CCDC91: variants seen among roughly 807,000 people sequenced by gnomAD.
The protein encoded by CCDC91 is coiled-coil domain-containing protein 91.
Under a neutral mutation model 63.2 loss-of-function variants are expected in CCDC91, and 48 were observed. That is an observed-to-expected ratio of 0.76 (90% CI 0.60 to 0.97). The LOEUF (loss-of-function observed/expected upper bound fraction) is 0.97. Among genes scored for constraint, CCDC91 ranks in the 50% least tolerant of loss-of-function variants. CCDC91 has a pLI of 0.00. For synonymous variants in CCDC91, 167 were observed against 165.8 expected, an observed-to-expected ratio of 1.01 and a Z score of -0.06; for missense variants, 500 against 494.6, an observed-to-expected ratio of 1.01 and a Z score of -0.10.
intron 6 of CCDC91, among the ~76,000 whole-genome samples, chr12:28,308,639 C>G (rs1203269040): frequency 6.6e-6 from 1 of 151,926 alleles, no homozygotes; most frequent in Non-Finnish European, 1.5e-5. Flanking sequence ...CTCAGATTCC[C>G]TCAGATACCT....
intron 11 of CCDC91, among the ~76,000 whole-genome samples, chr12:28,470,169 T>C (rs1427299120): frequency 2.6e-5 from 4 of 151,974 alleles, no homozygotes; most frequent in Non-Finnish European, 5.9e-5. Flanking sequence ...AGAGAAAATA[T>C]TTGCAAACAA....
At chr12:28,275,040 T>G in intron 3 of CCDC91, among the ~76,000 whole-genome samples, 1 of 151,986 alleles carries the variant, frequency 6.6e-6, no homozygotes. Flanking sequence ...ATTGACACCC[T>G]AACATCACAA....
chr12:28,544,852 A>T (rs1403024703), intron 12 of CCDC91, among the ~76,000 whole-genome samples: 1 of 152,100 alleles, frequency 6.6e-6, no homozygotes, highest in Non-Finnish European at 1.5e-5. Context: ...TTGCAATGGC[A>T]TGAAACACTC....
At chr12:28,404,405 T>C (rs545707188) in intron 8 of CCDC91, among the ~76,000 whole-genome samples, 5 of 152,196 alleles carry the variant, frequency 3.3e-5, no homozygotes, top group African/African-American at 1.2e-4. Context: ...AGTTTTGTTT[T>C]ATGGTCCCGA....
intron 6 of CCDC91, among the ~76,000 whole-genome samples, chr12:28,331,658 A>G (rs770680298): frequency 2.0e-4 from 30 of 152,300 alleles, no homozygotes; most frequent in Admixed American, 1.0e-3. Flanking sequence ...TTGTGCAGTT[A>G]TATTAGCCCT....
intron 1 of CCDC91, among the ~76,000 whole-genome samples, chr12:28,232,599 A>T (rs1350007665): frequency 6.6e-6 from 1 of 152,170 alleles, no homozygotes; most frequent in Non-Finnish European, 1.5e-5. Context: ...GGAATTAGAC[A>T]ATAGAAAAAC....
At chr12:28,355,810 C>T (rs1422565722) in intron 6 of CCDC91, among the ~76,000 whole-genome samples, 4 of 152,044 alleles carry the variant, frequency 2.6e-5, no homozygotes, top group South Asian at 2.1e-4. Context: ...GCTTTGGAAT[C>T]TGCATGCCAT....
intron 12 of CCDC91, among the ~76,000 whole-genome samples, chr12:28,538,573 G>A (rs1207211910): frequency 1.3e-5 from 2 of 152,076 alleles, no homozygotes; most frequent in Admixed American, 6.6e-5. Flanking sequence ...ACATACATGT[G>A]CATGTGTCTT....
At chr12:28,545,781 TTATA>T (rs892549582) in intron 12 of CCDC91, among the ~76,000 whole-genome samples, 1 of 151,930 alleles carries the variant, frequency 6.6e-6, no homozygotes, top group Non-Finnish European at 1.5e-5. Flanking sequence ...TTTTTTGTCC[TTATA>T]TATATATCCT....
chr12:28,386,939 A>G (rs2139199504), intron 7 of CCDC91, among the ~76,000 whole-genome samples: 1 of 152,228 alleles, frequency 6.6e-6, no homozygotes, highest in Admixed American at 6.5e-5. Flanking sequence ...ATTCTTTCAT[A>G]TATCTTTTTT....
At chr12:28,532,558 A>C (rs2141644259) in intron 12 of CCDC91, among the ~76,000 whole-genome samples, 1 of 152,232 alleles carries the variant, frequency 6.6e-6, no homozygotes, top group East Asian at 1.9e-4. Context: ...GTTTAAGGAA[A>C]GAGAAGGAAT....
chr12:28,354,541 CT>C (rs1389013934), intron 6 of CCDC91, among the ~76,000 whole-genome samples: 2 of 152,136 alleles, frequency 1.3e-5, no homozygotes, highest in Non-Finnish European at 2.9e-5. Flanking sequence ...ACAAGTACCA[CT>C]TTTAGTATAT....
rs139070508 is a variant in CCDC91, at chr12:28,221,716, A to G, written c.-15+31075A>G. ...ATCCACTCTGACTGATAGGAATACA[A>G]ATTCTTGCCAGCTATGTGTGAACTC... On this transcript the variant is annotated intron_variant, in intron 1 of 12. Transcript: ENST00000536442. Among the ~76,000 whole-genome samples the G allele has an allele frequency of 1.6e-4, 25 of 152,284 alleles. 2 individuals carry two copies. In the East Asian group the frequency reaches 4.6e-3, roughly 28 times the overall value.
At chr12:28,546,701 ATATAT>A (rs990887168) in intron 12 of CCDC91, among the ~76,000 whole-genome samples, 2 of 152,100 alleles carry the variant, frequency 1.3e-5, no homozygotes, top group Non-Finnish European at 2.9e-5. Context: ...TATCTGTTAC[ATATAT>A]TATAACTATA....
intron 3 of CCDC91, among the ~76,000 whole-genome samples, chr12:28,278,568 A>G (rs942588150): frequency 6.6e-6 from 1 of 152,114 alleles, no homozygotes; most frequent in Non-Finnish European, 1.5e-5. Context: ...CCAGATAACT[A>G]CCTGTATAAG....
intron 8 of CCDC91, among the ~76,000 whole-genome samples, chr12:28,444,999 A>C (rs921298085): frequency 6.6e-6 from 1 of 152,134 alleles, no homozygotes; most frequent in East Asian, 1.9e-4. Context: ...GCTAAACTAT[A>C]CCTTTTCTCC....
intron 12 of CCDC91, among the ~76,000 whole-genome samples, chr12:28,526,656 C>G (rs1018234047): frequency 6.6e-6 from 1 of 152,046 alleles, no homozygotes; most frequent in Non-Finnish European, 1.5e-5. Flanking sequence ...AGGTTTCTAG[C>G]AAGGCTGGGG....
intron 7 of CCDC91, among the ~76,000 whole-genome samples, chr12:28,387,157 A>G (rs1401035046): frequency 4.6e-5 from 7 of 152,204 alleles, no homozygotes; most frequent in South Asian, 4.1e-4. Flanking sequence ...GCTAGTATCA[A>G]TGTGTATTTG....
At chr12:28,247,353 G>T (rs1446603541) in intron 1 of CCDC91, among the ~76,000 whole-genome samples, 2 of 151,980 alleles carry the variant, frequency 1.3e-5, no homozygotes, top group African/African-American at 4.8e-5. Flanking sequence ...GGTGGAGGGC[G>T]CCTGTAGTCT....
Sources: gnomAD v4.1 joint callset for allele counts (sites outside exome capture counted in the v4.1 genomes callset) on GRCh38, gnomAD v4.1.1 for gene constraint, MANE v1.5 for transcripts, NCBI Gene and HGNC (gene_info 2026-07-23, HGNC 2026-07-21) for gene names.